ECT2: variants seen among roughly 807,000 people sequenced by gnomAD.
The protein encoded by ECT2 is epithelial cell transforming 2.
ECT2 carries 61 observed loss-of-function variants against 116.9 expected under a neutral mutation model. The observed-to-expected ratio is 0.52, with a 90% confidence interval of 0.42 to 0.65. The LOEUF (loss-of-function observed/expected upper bound fraction) is 0.65. Among genes scored for constraint, ECT2 ranks in the 30% least tolerant of loss-of-function variants. The pLI is 0.00. For missense variants in ECT2, 937 were observed against 1,078.7 expected, an observed-to-expected ratio of 0.87 and a Z score of 1.84; for synonymous variants, 358 against 346.4, an observed-to-expected ratio of 1.03 and a Z score of -0.37.
At chr3:172,786,196 T>C (rs1182033909) in intron 17 of ECT2, among the ~76,000 whole-genome samples, 1 of 152,184 alleles carries the variant, frequency 6.6e-6, no homozygotes, top group African/African-American at 2.4e-5. Flanking sequence ...TGTTTTCATT[T>C]AGCACTATGG....
intron 17 of ECT2, 118 bp downstream of exon 17, chr3:172,784,921 T>TAA (rs1189966137): frequency 1.1e-5 from 7 of 610,006 alleles, no homozygotes; most frequent in Non-Finnish European, 1.9e-5. Context: ...AAAGTTTATA[T>TAA]ATGTTTTGCT....
intron 23 of ECT2, 113 bp downstream of exon 23, chr3:172,815,824 T>G (rs745878272): frequency 1.8e-5 from 13 of 709,200 alleles, no homozygotes; most frequent in Non-Finnish European, 2.6e-5. Flanking sequence ...ACAAAGCTGT[T>G]CTTCGGTTCT....
At chr3:172,789,261 C>T (rs1724198181) in intron 18 of ECT2, among the ~76,000 whole-genome samples, 1 of 150,632 alleles carries the variant, frequency 6.6e-6, no homozygotes, top group Admixed American at 6.6e-5. Context: ...CTCTGGTTGC[C>T]CAGGCCGGAG....
At chr3:172,770,983 A>G (rs983286760) in intron 13 of ECT2, among the ~76,000 whole-genome samples, 1 of 152,104 alleles carries the variant, frequency 6.6e-6, no homozygotes, top group Non-Finnish European at 1.5e-5. Flanking sequence ...TTGGCCTGGA[A>G]TTTTCTGTGT....
chr3:172,761,793 T>C (rs1718356635), intron 8 of ECT2, 110 bp downstream of exon 8: 2 of 617,200 alleles, frequency 3.2e-6, no homozygotes, highest in Non-Finnish European at 5.5e-6. Context: ...CTGAATTCAG[T>C]CTGAGTAGCT....
chr3:172,774,589 A>C (rs1386765708), intron 14 of ECT2, among the ~76,000 whole-genome samples: 1 of 152,070 alleles, frequency 6.6e-6, no homozygotes, highest in Admixed American at 6.6e-5. Flanking sequence ...TCCTGGGCTC[A>C]AGTGATTCTC....
At chr3:172,792,048 G>A (rs1166361405) in intron 18 of ECT2, among the ~76,000 whole-genome samples, 1 of 152,134 alleles carries the variant, frequency 6.6e-6, no homozygotes, top group Non-Finnish European at 1.5e-5. Context: ...AGCGATAGGG[G>A]AATGGCTAGT....
At chr3:172,800,650 T>C (rs1394592030) in intron 18 of ECT2, among the ~76,000 whole-genome samples, 1 of 152,212 alleles carries the variant, frequency 6.6e-6, no homozygotes, top group African/African-American at 2.4e-5. Context: ...GTGTTTACTC[T>C]GATGTTATTC....
intron 18 of ECT2, among the ~76,000 whole-genome samples, chr3:172,787,621 C>T (rs558887046): frequency 1.6e-4 from 24 of 152,218 alleles, no homozygotes; most frequent in Non-Finnish European, 2.5e-4. Flanking sequence ...ACCAGGATAA[C>T]GGTATTGAGA....
Position 172,811,910 on chromosome 3 carries a change from T to C in ECT2, c.2401-3694T>C, listed in dbSNP as rs116735487. ...TACCCCTGTCTGGCTAATCTGTCTT[T>C]CTAGGGGTATGACTTTTGATACTTT... is the stretch of plus-strand genomic sequence containing the variant. On this transcript the variant is annotated intron_variant, in intron 22 of 24. Transcript: ENST00000392692. Among the ~76,000 whole-genome samples, 306 of 152,200 alleles carry C rather than the reference T, an allele frequency of 2.0e-3. 1 individual carries two copies. Among genetic ancestry groups the C allele is most frequent in the African/African-American group, 7.2e-3 (299 of 41,546 alleles).
Position 172,767,516 on chromosome 3 carries a change from TA to T in ECT2, c.1292-1487del, listed in dbSNP as rs1339801817. Among the ~76,000 whole-genome samples the T allele has an allele frequency of 2.0e-5, 3 of 152,276 alleles. No individual in the cohort carries two copies. In the East Asian group the frequency reaches 5.8e-4, roughly 29 times the overall value. ...GCATTTAAAATTGTTTATCATTGAG[TA>T]AAATTGATGTGCTGGAAATATATAT... On this transcript the variant is annotated intron_variant, in intron 12 of 24. Coordinates refer to ENST00000392692, the MANE Select transcript of ECT2 (RefSeq NM_001258315.2).
At chr3:172,775,923 T>C (rs1322753250) in intron 14 of ECT2, among the ~76,000 whole-genome samples, 2 of 152,170 alleles carry the variant, frequency 1.3e-5, no homozygotes, top group Non-Finnish European at 1.5e-5. Context: ...CATAAGTCAC[T>C]GTCCTGTCAA....
chr3:172,768,753 T>C (rs1427701616), intron 12 of ECT2, among the ~76,000 whole-genome samples: 2 of 152,258 alleles, frequency 1.3e-5, no homozygotes, highest in African/African-American at 4.8e-5. Context: ...AGTCTTTCTT[T>C]GTTTTTAATA....
At chr3:172,817,062 C>T (rs1282742383) in intron 24 of ECT2, among the ~76,000 whole-genome samples, 1 of 151,918 alleles carries the variant, frequency 6.6e-6, no homozygotes, top group African/African-American at 2.4e-5. Flanking sequence ...ATGTGGGGTG[C>T]ACCTTATACT....
chr3:172,814,782 T>A (rs961943025), intron 22 of ECT2, among the ~76,000 whole-genome samples: 1 of 152,304 alleles, frequency 6.6e-6, no homozygotes, highest in Middle Eastern at 3.4e-3. Flanking sequence ...TCACCTAATA[T>A]ACTCATTCCT....
chr3:172,771,167 C>G (rs965423431), intron 13 of ECT2: 6 of 151,974 alleles, frequency 3.9e-5, no homozygotes, highest in Admixed American at 1.3e-4. Context: ...TGATTATTTG[C>G]AAAAGTTATT....
At chr3:172,814,885 A>G (rs1729421738) in intron 22 of ECT2, among the ~76,000 whole-genome samples, 1 of 152,184 alleles carries the variant, frequency 6.6e-6, no homozygotes, top group Non-Finnish European at 1.5e-5. Context: ...ACTGTGCAAT[A>G]GAACAACAGA....
rs1029383016 is a variant in ECT2, at chr3:172,761,791, A to G, written c.758+108A>G. On this transcript the variant is annotated intron_variant, in intron 8 of 24. Coordinates refer to ENST00000392692, the MANE Select transcript of ECT2 (RefSeq NM_001258315.2). The stretch of plus-strand genomic sequence containing the variant: ...TTTCATAGATATAAAAACTGAATTC[A>G]GTCTGAGTAGCTTGAGGAATAAAAT... 12 of 643,916 alleles carry G rather than the reference A, an allele frequency of 1.9e-5. No individual in the cohort carries two copies. In the African/African-American group the frequency reaches 2.1e-4, roughly 11 times the overall value. 39.9% of individuals were successfully genotyped at this position (643,916 alleles called of 1,614,324 possible).
Position 172,762,948 on chromosome 3 carries a change from A to G in ECT2, c.1044A>G (p.Gly348=). The G allele has an allele frequency of 6.2e-7, 1 of 1,613,854 alleles. No homozygotes were observed. The highest frequency in any genetic ancestry group is 1.1e-5 in the South Asian group (1 of 91,070). The part of the protein sequence containing the change: ...WGSIQMDARA[G]ETMYLYEKAN... The stretch of plus-strand genomic sequence containing the variant: ...GCATTCAAATGGATGCCCGAGCTGG[A>G]GAAACTATGTATTTATATGAAAAGG... The change falls in exon 11 of 25, where the codon GGA becomes GGG. Residue 348 remains glycine, a synonymous_variant. Coordinates refer to ENST00000392692, the MANE Select transcript of ECT2 (RefSeq NM_001258315.2).
Sources: gnomAD v4.1 joint callset for allele counts (sites outside exome capture counted in the v4.1 genomes callset) on GRCh38, gnomAD v4.1.1 for gene constraint, MANE v1.5 for transcripts, NCBI Gene and HGNC (gene_info 2026-07-23, HGNC 2026-07-21) for gene names.